PCDHA4: variants seen among roughly 807,000 people sequenced by gnomAD.
The protein encoded by PCDHA4 is protocadherin alpha 4.
Under a neutral mutation model 61.4 loss-of-function variants are expected in PCDHA4, and 49 were observed. The observed-to-expected ratio is 0.80, with a 90% CI of 0.63 to 1.01. PCDHA4 has a LOEUF of 1.01. Ranked by LOEUF, PCDHA4 falls within the 50% of genes least tolerant of loss-of-function variation. The pLI, the probability that PCDHA4 is intolerant of heterozygous loss-of-function variation, is 0.00. For synonymous variants in PCDHA4, 590 were observed against 550.3 expected (o/e 1.07, Z -1.01); for missense variants, 1,254 against 1,235.8 (o/e 1.01, Z -0.22).
chr5:140,883,672 T>C (rs782302494), intron 1 of PCDHA4: 2 of 1,613,366 alleles, frequency 1.2e-6, no homozygotes, highest in Non-Finnish European at 1.7e-6. Context: ...AGGAAAACAA[T>C]CCGCCGGGCT....
intron 1 of PCDHA4, among the ~76,000 whole-genome samples, chr5:140,945,632 A>G (rs1258111936): frequency 6.6e-6 from 1 of 152,168 alleles, no homozygotes; most frequent in African/African-American, 2.4e-5. Flanking sequence ...GGCATAAAAG[A>G]CATGTAGACC....
chr5:140,936,674 T>C (rs1410690822), intron 1 of PCDHA4, among the ~76,000 whole-genome samples: 6 of 152,228 alleles, frequency 3.9e-5, no homozygotes, highest in African/African-American at 1.4e-4. Context: ...GGACTGTCTA[T>C]TCTGTTTCAT....
At chr5:140,923,185 A>G (rs536691139) in intron 1 of PCDHA4, among the ~76,000 whole-genome samples, 1 of 152,324 alleles carries the variant, frequency 6.6e-6, no homozygotes, top group East Asian at 1.9e-4. Flanking sequence ...AGATGCATCT[A>G]CTGCAGCAAT....
At chr5:140,926,703 C>A in intron 1 of PCDHA4, 2 of 835,416 alleles carry the variant, frequency 2.4e-6, no homozygotes, top group Non-Finnish European at 3.4e-6. Context: ...CGGCTCCCAG[C>A]TGGCCAGCCC....
At chr5:140,843,814 G>A in intron 1 of PCDHA4, 1 of 1,259,886 alleles carries the variant, frequency 7.9e-7, no homozygotes, top group Non-Finnish European at 1.1e-6. Context: ...ATTTTATAGT[G>A]AAAATTTAAA....
intron 1 of PCDHA4, chr5:140,883,878 C>T: frequency 1.9e-6 from 3 of 1,613,260 alleles, no homozygotes; most frequent in Middle Eastern, 1.7e-4. Context: ...CAGGTGAGCG[C>T]GCGCGACTCT....
chr5:140,876,077 G>C, intron 1 of PCDHA4: 4 of 1,613,956 alleles, frequency 2.5e-6, no homozygotes, highest in Non-Finnish European at 3.4e-6. Flanking sequence ...TTATTGGACA[G>C]AGAGCAAACG....
chr5:140,949,958 T>G (rs1192385409), intron 1 of PCDHA4, among the ~76,000 whole-genome samples: 1 of 151,896 alleles, frequency 6.6e-6, no homozygotes, highest in Non-Finnish European at 1.5e-5. Context: ...GTGGTTGCTG[T>G]AAGGATTACA....
chr5:140,876,792 A>C, intron 1 of PCDHA4: 1 of 1,614,116 alleles, frequency 6.2e-7, no homozygotes, highest in East Asian at 2.2e-5. Flanking sequence ...CCACGGCTAG[A>C]GTGTCCGTGG....
rs782316296 is a variant in PCDHA4 at position 140,927,382 on chromosome 5, AG to A, written c.2386-51566del. Reference sequence around the variant, plus strand: ...CAATGGGATACTAAGCTACAGCCTAAGCCCCAGTCAGCACTTTCGCCTGGAC... The same window carrying A: ...CAATGGGATACTAAGCTACAGCCTAACCCCAGTCAGCACTTTCGCCTGGAC... On this transcript the variant is annotated intron_variant, in intron 1 of 3. Coordinates refer to ENST00000530339, the MANE Select transcript of PCDHA4 (RefSeq NM_018907.4). 6 of 1,614,012 alleles carry A rather than the reference AG, an allele frequency of 3.7e-6. No homozygotes were observed. The African/African-American group carries it at 8.0e-5, about 22-fold the overall frequency.
At chr5:140,941,262 T>TTTCTCTTTCC in intron 1 of PCDHA4, among the ~76,000 whole-genome samples, 1 of 138,798 alleles carries the variant, frequency 7.2e-6, no homozygotes, top group Non-Finnish European at 1.6e-5. Context: ...TTTCTCTTTC[T>TTTCTCTTTCC]TTCTTTCTTT....
At chr5:140,834,349 T>A in intron 1 of PCDHA4, 2 of 1,534,320 alleles carry the variant, frequency 1.3e-6, no homozygotes, top group Non-Finnish European at 1.8e-6. Flanking sequence ...CGAAGGCAAG[T>A]TTTGCTGACT....
intron 1 of PCDHA4, chr5:140,824,719 C>T (rs1279844716): frequency 2.0e-5 from 3 of 150,334 alleles, no homozygotes; most frequent in African/African-American, 4.9e-5. Context: ...CTCAGCCTCC[C>T]GAAGTACTAA....
intron 1 of PCDHA4, among the ~76,000 whole-genome samples, chr5:140,958,063 A>G (rs2095406851): frequency 6.6e-6 from 1 of 152,118 alleles, no homozygotes; most frequent in Non-Finnish European, 1.5e-5. Flanking sequence ...GAGAGAAAAA[A>G]CACAGAAGCA....
intron 1 of PCDHA4, chr5:140,969,554 TC>T: frequency 8.2e-7 from 1 of 1,222,072 alleles, no homozygotes; most frequent in Non-Finnish European, 1.1e-6. Context: ...TGAAGCCTTG[TC>T]CATAAAATTG....
At chr5:140,939,441 T>A (rs1471285631) in intron 1 of PCDHA4, among the ~76,000 whole-genome samples, 1 of 152,274 alleles carries the variant, frequency 6.6e-6, no homozygotes, top group East Asian at 1.9e-4. Flanking sequence ...TTTGAAGAAT[T>A]AAGAGTGAAA....
intron 1 of PCDHA4, among the ~76,000 whole-genome samples, chr5:140,961,895 T>A (rs1453853880): frequency 6.6e-6 from 1 of 152,012 alleles, no homozygotes; most frequent in Non-Finnish European, 1.5e-5. Flanking sequence ...CAGTTTTTTT[T>A]TTTTTTGAGA....
chr5:140,967,490 C>G (rs1554229615), intron 1 of PCDHA4: 2 of 1,613,210 alleles, frequency 1.2e-6, no homozygotes, highest in East Asian at 2.2e-5. Context: ...GGGTACGGCA[C>G]AGATCTCTGT....
At chr5:140,875,078 G>A (rs1554167473) in intron 1 of PCDHA4, among the ~76,000 whole-genome samples, 1 of 152,164 alleles carries the variant, frequency 6.6e-6, no homozygotes, top group Non-Finnish European at 1.5e-5. Flanking sequence ...AAGCTACAGC[G>A]TAATAAAATT....
Sources: gnomAD v4.1 joint callset for allele counts (sites outside exome capture counted in the v4.1 genomes callset) on GRCh38, gnomAD v4.1.1 for gene constraint, MANE v1.5 for transcripts, NCBI Gene and HGNC (gene_info 2026-07-23, HGNC 2026-07-21) for gene names.